Variants in ZNF536 observed in about 807,000 individuals in gnomAD.
ZNF536 encodes zinc finger protein 536.
ZNF536 carries 13 observed loss-of-function variants against 84.5 expected under a neutral mutation model. The ratio of observed to expected loss-of-function variants is 0.15; its 90% CI spans 0.10 to 0.24. The LOEUF is 0.24. Among genes scored for constraint, ZNF536 ranks in the 10% least tolerant of loss-of-function variants. The pLI is 1.00. For missense variants in ZNF536, 1,536 were observed against 1,747.5 expected (o/e 0.88, Z 2.16); for synonymous variants, 811 against 742.5 (o/e 1.09, Z -1.50).
intron 3 of ZNF536, among the ~76,000 whole-genome samples, chr19:30,362,161 C>G (rs2048295905): frequency 6.6e-6 from 1 of 152,184 alleles, no homozygotes; most frequent in South Asian, 2.1e-4. Context: ...GGCCCAGCCT[C>G]CCTGGAACCA....
chr19:30,499,863 T>C (rs3786799), intron 2 of ZNF536, among the ~76,000 whole-genome samples: 26,111 of 152,056 alleles, frequency 0.17, 2,517 homozygotes, highest in Non-Finnish European at 0.21. Flanking sequence ...GGTGGCTGCA[T>C]GGGTCAGGGG....
At chr19:30,331,761 A>G (rs1287646858) in intron 2 of ZNF536, among the ~76,000 whole-genome samples, 3 of 151,870 alleles carry the variant, frequency 2.0e-5, no homozygotes, top group Non-Finnish European at 2.9e-5. Context: ...TTTCCCTCCA[A>G]ATCACTGTTT....
chr19:30,375,057 T>C (rs1018149237), intron 1 of ZNF536, among the ~76,000 whole-genome samples: 13 of 151,702 alleles, frequency 8.6e-5, no homozygotes, highest in African/African-American at 3.1e-4. Context: ...ATGGCATTAA[T>C]AATCGTTACC....
chr19:30,285,640 C>A (rs1365474190), intron 2 of ZNF536, among the ~76,000 whole-genome samples: 2 of 152,244 alleles, frequency 1.3e-5, no homozygotes, highest in Admixed American at 6.5e-5. Flanking sequence ...ATGCCCCTCT[C>A]TGACCCATCC....
chr19:30,408,785 ACATCTATCCTTCCATCTATTCATC>A (rs1389615750), intron 1 of ZNF536, among the ~76,000 whole-genome samples: 12 of 151,124 alleles, frequency 7.9e-5, no homozygotes, highest in African/African-American at 2.9e-4. Context: ...ATCTATTCAT[ACATCTATCCTTCCATCTATTCATC>A]CATCCATTAT....
At chr19:30,702,387 G>A (rs145003165) in intron 1 of ZNF536, among the ~76,000 whole-genome samples, 4 of 152,184 alleles carry the variant, frequency 2.6e-5, no homozygotes, top group South Asian at 4.1e-4. Context: ...CTTACTTTTC[G>A]CATGGCAGTG....
intron 1 of ZNF536, among the ~76,000 whole-genome samples, chr19:30,607,642 A>G (rs772788884): frequency 4.6e-5 from 7 of 151,722 alleles, no homozygotes; most frequent in African/African-American, 9.7e-5. Flanking sequence ...GAATCACTTG[A>G]ACCTGGGAGG....
At chr19:30,229,823 C>T (rs552121929) in intron 1 of ZNF536, among the ~76,000 whole-genome samples, 1 of 152,342 alleles carries the variant, frequency 6.6e-6, no homozygotes, top group South Asian at 2.1e-4. Flanking sequence ...ACTTTTCCCC[C>T]CACTGAGGAG....
intron 1 of ZNF536, among the ~76,000 whole-genome samples, chr19:30,611,194 C>T (rs1223412354): frequency 2.0e-5 from 3 of 152,160 alleles, no homozygotes; most frequent in Non-Finnish European, 1.5e-5. Context: ...CATTGCAGGG[C>T]ATCTATCCTC....
chr19:30,368,674 A>G (rs2048515848), upstream of ZNF536, among the ~76,000 whole-genome samples: 1 of 152,252 alleles, frequency 6.6e-6, no homozygotes, highest in East Asian at 1.9e-4. Context: ...TTGCCATGTG[A>G]GCCACACAAG....
At position 30,314,703 on chromosome 19, in the gene ZNF536, G is replaced by A. The variant is rs114424263; in HGVS notation, c.-120+30562G>A. Among the ~76,000 whole-genome samples, 1,057 of 152,244 alleles carry A rather than the reference G, an allele frequency of 6.9e-3. 18 individuals carry two copies. The highest frequency in any genetic ancestry group is 0.024 in the African/African-American group (1,014 of 41,548). ...AGGTCCCTTCTCTCCCTCACTCCAGGGGCCTGGGCAAGGTGTTGGGTAGGT... is the reference window on the plus strand; with the variant it reads ...AGGTCCCTTCTCTCCCTCACTCCAGAGGCCTGGGCAAGGTGTTGGGTAGGT... On this transcript the variant is annotated intron_variant, in intron 2 of 5. Coordinates refer to the ZNF536 transcript ENST00000585628.
chr19:30,690,973 T>TA (rs935482525), intron 1 of ZNF536, among the ~76,000 whole-genome samples: 8 of 152,220 alleles, frequency 5.3e-5, no homozygotes, highest in African/African-American at 1.9e-4. Flanking sequence ...TGACTGAAGA[T>TA]ACCGGCTAAC....
intron 1 of ZNF536, among the ~76,000 whole-genome samples, chr19:30,404,380 A>G (rs1176325367): frequency 6.6e-6 from 1 of 152,132 alleles, no homozygotes; most frequent in Non-Finnish European, 1.5e-5. Flanking sequence ...ACTGCAGGCC[A>G]CTTGAGGTAG....
chr19:30,240,714 G>A (rs2023881865), intron 1 of ZNF536, among the ~76,000 whole-genome samples: 1 of 152,226 alleles, frequency 6.6e-6, no homozygotes, highest in Non-Finnish European at 1.5e-5. Context: ...AGCAAGGAGG[G>A]CTTCGTGGAC....
At chr19:30,594,993 C>A (rs1453998894) in intron 1 of ZNF536, among the ~76,000 whole-genome samples, 2 of 152,110 alleles carry the variant, frequency 1.3e-5, no homozygotes, top group Non-Finnish European at 2.9e-5. Context: ...GGAGGAGGCT[C>A]TTCTGCATCC....
At chr19:30,516,186 C>G (rs1472282773) in intron 2 of ZNF536, among the ~76,000 whole-genome samples, 2 of 152,030 alleles carry the variant, frequency 1.3e-5, no homozygotes, top group African/African-American at 2.4e-5. Flanking sequence ...TCTAATTGCT[C>G]TAAGATGAAT....
intron 2 of ZNF536, among the ~76,000 whole-genome samples, chr19:30,284,486 G>A (rs1055532799): frequency 2.0e-5 from 3 of 152,202 alleles, no homozygotes; most frequent in Non-Finnish European, 2.9e-5. Flanking sequence ...GAGTGACCTC[G>A]TCCAAGTGCC....
chr19:30,292,376 C>T (rs1057155399), intron 2 of ZNF536, among the ~76,000 whole-genome samples: 4 of 150,202 alleles, frequency 2.7e-5, no homozygotes, highest in Non-Finnish European at 5.9e-5. Context: ...TTCACTGTTG[C>T]CCAGGCTTGA....
At chr19:30,473,713 G>A (rs932206891) in intron 2 of ZNF536, among the ~76,000 whole-genome samples, 1 of 152,192 alleles carries the variant, frequency 6.6e-6, no homozygotes, top group Non-Finnish European at 1.5e-5. Context: ...TTGAGTCACA[G>A]CTCAAGTGCC....
Sources: allele counts gnomAD v4.1 joint callset (sites outside exome capture counted in the v4.1 genomes callset), GRCh38; gene constraint gnomAD v4.1.1; transcripts MANE v1.5; gene names NCBI Gene and HGNC (gene_info 2026-07-23, HGNC 2026-07-21).